The following SLC10A6 variants were observed in gnomAD, a reference collection of about 807,000 sequenced individuals.
SLC10A6 encodes the protein solute carrier family 10 member 6.
In SLC10A6, 27 loss-of-function variants were observed where a neutral mutation model predicts 30.0. The observed-to-expected ratio is 0.90, with a 90% CI of 0.66 to 1.24. SLC10A6 has a LOEUF of 1.24. Ranked by LOEUF, SLC10A6 falls within the 50% of genes most tolerant of loss-of-function variation. The pLI, the probability that SLC10A6 is intolerant of heterozygous loss-of-function variation, is 0.00. For synonymous variants in SLC10A6, 166 were observed against 173.8 expected (o/e 0.95, Z 0.36); for missense variants, 439 against 457.0 (o/e 0.96, Z 0.36).
At chr4:86,836,976 C>T (rs1746196461) in intron 1 of SLC10A6, among the ~76,000 whole-genome samples, 2 of 151,748 alleles carry the variant, frequency 1.3e-5, no homozygotes, top group Admixed American at 6.6e-5. Flanking sequence ...CAGGCTGTCT[C>T]GAACTCCTAA....
intron 1 of SLC10A6, among the ~76,000 whole-genome samples, chr4:86,845,765 A>C (rs1316427211): frequency 1.3e-5 from 2 of 152,206 alleles, no homozygotes; most frequent in African/African-American, 4.8e-5. Context: ...AGGGCTTGGC[A>C]GTGGATTGAG....
chr4:86,833,573 C>T (rs770522651), intron 1 of SLC10A6, 149 bp from the exon 2 acceptor site: 39 of 550,038 alleles, frequency 7.1e-5, no homozygotes, highest in East Asian at 3.2e-4. Flanking sequence ...GTTTAACAAA[C>T]GATGGCTATA....
At position 86,828,107 on chromosome 4, in the gene SLC10A6, G is replaced by A. The variant is rs373402918; in HGVS notation, c.647C>T (p.Ala216Val). ...LVVAVAGVVL[A>V]KGSWNSDITL... ...GATGTCTGAATTCCAAGATCCTTTCGCCAGGACCACACCAGCAACTGCGAC... is the reference window on the plus strand; with the variant it reads ...GATGTCTGAATTCCAAGATCCTTTCACCAGGACCACACCAGCAACTGCGAC... Residue 216 changes from alanine (A) to valine (V), a missense_variant, in exon 4 of 6, where the codon GCG (alanine) becomes GTG (valine). Transcript: ENST00000273905. The A allele has an allele frequency of 7.5e-5, 121 of 1,613,770 alleles. No homozygotes were observed. The East Asian group carries it at 8.9e-4, about 12-fold the overall frequency.
chr4:86,830,734 C>T (rs533237661), intron 3 of SLC10A6, among the ~76,000 whole-genome samples: 1 of 152,088 alleles, frequency 6.6e-6, no homozygotes, highest in African/African-American at 2.4e-5. Context: ...TTAAACCAAG[C>T]CAAACCATAA....
rs753708394 is a variant in SLC10A6 at position 86,849,022 on chromosome 4, G to T, written c.94C>A (p.Leu32Ile). ...VGLEVHGNLE[L>I]VFTVVSTVMM... ...ACAGTGGACACCACTGTGAAAACGA[G>T]CTCCAGGTTTCCATGCACCTCCAGT... The change falls in exon 1 of 6, where the codon CTC (leucine) becomes ATC (isoleucine). Residue 32 changes from leucine to isoleucine, a missense_variant. Coordinates refer to ENST00000273905, the MANE Select transcript of SLC10A6 (RefSeq NM_197965.3). 6.2e-7 allele frequency: 1 copy of T among 1,614,130 alleles called. No homozygotes were observed. The highest frequency in any genetic ancestry group is 1.1e-5 in the South Asian group (1 of 91,070).
In SLC10A6 at chr4:86,825,446, A is replaced by C; in HGVS notation, c.893T>G (p.Leu298Arg). 1 of 1,604,060 alleles carries C rather than the reference A, an allele frequency of 6.2e-7. No individual in the cohort carries two copies. The highest frequency in any genetic ancestry group is 1.1e-5 in the South Asian group (1 of 90,356). The change falls in exon 5 of 6, where the codon CTG (leucine) becomes CGG (arginine). Residue 298 changes from leucine to arginine, a missense_variant. Coordinates refer to ENST00000273905, the MANE Select transcript of SLC10A6 (RefSeq NM_197965.3). ...TGCAACAATAAGAAATCCATCTATC[A>C]GCTGGAAGAGTCCATAGGCCAGTGG... ...SFPLAYGLFQ[L>R]IDGFLIVAAY...
chr4:86,839,811 C>T (rs1450787231), intron 1 of SLC10A6, among the ~76,000 whole-genome samples: 3 of 152,144 alleles, frequency 2.0e-5, no homozygotes, highest in Admixed American at 1.3e-4. Context: ...AAGATTGCTA[C>T]ATTTCACAAT....
chr4:86,831,877 A>G lies in SLC10A6; in HGVS notation c.500T>C (p.Ile167Thr). The change falls in exon 3 of 6, where the codon ATT becomes ACT. Residue 167 changes from isoleucine (I) to threonine (T), a missense_variant. By Grantham distance (89) the Ile-to-Thr change is moderately conservative. Coordinates refer to ENST00000273905, the MANE Select transcript of SLC10A6 (RefSeq NM_197965.3). Reference protein sequence around the residue: ...NLTIPYQNIGITLVCLTIPVA... With the variant: ...NLTIPYQNIGTTLVCLTIPVA... ...AGGAATGGTCAGGCACACAAGGGTA[A>G]TTCCTAAAGAGAAGAAAAATCCATG... The G allele has an allele frequency of 6.2e-7, 1 of 1,612,216 alleles. No homozygotes were observed. The highest frequency in any genetic ancestry group is 1.7e-4 in the Middle Eastern group (1 of 6,058).
At chr4:86,847,771 T>C (rs777492143) in intron 1 of SLC10A6, among the ~76,000 whole-genome samples, 1 of 152,234 alleles carries the variant, frequency 6.6e-6, no homozygotes, top group Non-Finnish European at 1.5e-5. Context: ...GATTCATTCA[T>C]TCATGGTAAA....
At position 86,825,591 on chromosome 4, in the gene SLC10A6, A is replaced by T. The variant is rs549159087; in HGVS notation, c.762-14T>A. The T allele has an allele frequency of 6.4e-7, 1 of 1,574,428 alleles. No homozygotes were observed. The highest frequency in any genetic ancestry group is 8.7e-7 in the Non-Finnish European group (1 of 1,149,118). On this transcript the variant is annotated splice_polypyrimidine_tract_variant and intron_variant, in intron 4 of 5. Transcript: ENST00000273905. ...ATTGTCCTGCACCTACCAAAAAGAA[A>T]ATGTTTCAAGAGTAACGCACTAGCA...
intron 1 of SLC10A6, among the ~76,000 whole-genome samples, chr4:86,835,511 A>G (rs1398846974): frequency 2.0e-5 from 3 of 152,082 alleles, no homozygotes; most frequent in Non-Finnish European, 4.4e-5. Context: ...TACTAACAAT[A>G]CAAAAATTAG....
At chr4:86,842,806 CTTTCTTTCTTTCTTTCTTTCTTT>C (rs1746316243) in intron 1 of SLC10A6, among the ~76,000 whole-genome samples, 1 of 9,306 alleles carries the variant, frequency 1.1e-4, no homozygotes, top group Non-Finnish European at 1.6e-4. Flanking sequence ...TTCTTTCTTT[CTTTCTTTCTTTCTTTCTTTCTTT>C]CTTTCTTTCT....
chr4:86,844,723 G>T (rs898643280), intron 1 of SLC10A6, among the ~76,000 whole-genome samples: 3 of 152,156 alleles, frequency 2.0e-5, no homozygotes, highest in African/African-American at 7.2e-5. Flanking sequence ...TTTTCACACT[G>T]CTGTAAAGAA....
Position 86,832,778 on chromosome 4 carries a change from A to G in SLC10A6, c.496+528T>C, listed in dbSNP as rs1370564250. On this transcript the variant is annotated intron_variant, in intron 2 of 5. Coordinates refer to ENST00000273905, the MANE Select transcript of SLC10A6 (RefSeq NM_197965.3). ...AGATAATGAAAGAGATATGGGTGAGACTGTGACATGTAGATGAGTTTTCAT... is the reference window on the plus strand; with the variant it reads ...AGATAATGAAAGAGATATGGGTGAGGCTGTGACATGTAGATGAGTTTTCAT... Among the ~76,000 whole-genome samples, 7 of 152,254 alleles carry G rather than the reference A, an allele frequency of 4.6e-5. No homozygotes were observed. In the East Asian group the frequency reaches 1.3e-3, roughly 29 times the overall value.
chr4:86,840,366 C>T (rs971368343), intron 1 of SLC10A6, among the ~76,000 whole-genome samples: 18 of 152,010 alleles, frequency 1.2e-4, no homozygotes, highest in African/African-American at 4.3e-4. Flanking sequence ...ATGAATAATA[C>T]AAGTATTTTT....
intron 5 of SLC10A6, among the ~76,000 whole-genome samples, chr4:86,824,764 C>G (rs1195205476): frequency 6.6e-6 from 1 of 152,018 alleles, no homozygotes; most frequent in African/African-American, 2.4e-5. Context: ...CTATTATTGC[C>G]ATCTTTATGT....
rs1746022477 is a variant in SLC10A6 at position 86,827,915 on chromosome 4, C to A, written c.761+78G>T. 5.1e-6 allele frequency: 7 copies of A among 1,382,868 alleles called. No individual in the cohort carries two copies. The East Asian group carries it at 1.7e-4, about 33-fold the overall frequency. The allele number at this position is 1,382,868 out of a possible 1,614,324, so 85.7% of individuals were successfully genotyped here. On this transcript the variant is annotated intron_variant, in intron 4 of 5. Coordinates refer to ENST00000273905, the MANE Select transcript of SLC10A6 (RefSeq NM_197965.3). Reference sequence around the variant, plus strand: ...AGTCAAAACTCTTCATGTCTCCTGACACAGGCAGCAAAGCCTACCAGTGGC... The same window carrying A: ...AGTCAAAACTCTTCATGTCTCCTGAAACAGGCAGCAAAGCCTACCAGTGGC...
chr4:86,839,173 T>C (rs191017135), intron 1 of SLC10A6, among the ~76,000 whole-genome samples: 2 of 151,124 alleles, frequency 1.3e-5, no homozygotes, highest in Admixed American at 6.6e-5. Context: ...CAGTGCCTCA[T>C]GCCTGTAATT....
At chr4:86,837,294 G>GAAAGAAA (rs1560460401) in intron 1 of SLC10A6, among the ~76,000 whole-genome samples, 18 of 68,748 alleles carry the variant, frequency 2.6e-4, no homozygotes, top group South Asian at 4.5e-4. Context: ...AAAAAGAAAG[G>GAAAGAAA]AAGGAAGGAA....
Sources: gnomAD v4.1 joint callset for allele counts (sites outside exome capture counted in the v4.1 genomes callset) on GRCh38, gnomAD v4.1.1 for gene constraint, MANE v1.5 for transcripts, NCBI Gene and HGNC (gene_info 2026-07-23, HGNC 2026-07-21) for gene names.